NRXN3: variants seen among roughly 807,000 people sequenced by gnomAD.
The protein encoded by NRXN3 is neurexin III.
In NRXN3, 32 loss-of-function variants were observed where a neutral mutation model predicts 137.6. The ratio of observed to expected loss-of-function variants is 0.23; its 90% CI spans 0.18 to 0.31. The LOEUF (loss-of-function observed/expected upper bound fraction) is 0.31. NRXN3 is among the 10% of genes least tolerant of loss of function. The pLI is 1.00. For synonymous variants in NRXN3, 798 were observed against 784.5 expected (o/e 1.02, Z -0.29); for missense variants, 1,574 against 2,062.5 (o/e 0.76, Z 4.59).
At chr14:78,277,409 G>A (rs913792555) in intron 2 of NRXN3, among the ~76,000 whole-genome samples, 1 of 152,138 alleles carries the variant, frequency 6.6e-6, no homozygotes, top group Non-Finnish European at 1.5e-5. Context: ...TGCTCTTGAG[G>A]GACCTAGGCT....
chr14:78,516,472 G>C (rs2096209825), intron 4 of NRXN3, among the ~76,000 whole-genome samples: 1 of 151,062 alleles, frequency 6.6e-6, no homozygotes, highest in Admixed American at 6.6e-5. Flanking sequence ...CTGTTGCTTA[G>C]ATTGCCCATC....
intron 15 of NRXN3, among the ~76,000 whole-genome samples, chr14:79,083,268 T>C (rs1309552978): frequency 2.6e-5 from 4 of 152,218 alleles, no homozygotes; most frequent in Admixed American, 2.6e-4. Context: ...AGAAGACTTA[T>C]TTGATTTCAC....
rs146140064 is a variant in NRXN3, at chr14:78,360,305, A to T, written c.757+62445A>T. ...AGGGGTCGGGGTCCTTTCACTGTTT[A>T]AAAAAAAATCTATTCCAGTGATTCT... is the stretch of plus-strand genomic sequence containing the variant. On this transcript the variant is annotated intron_variant, in intron 4 of 20. Transcript: ENST00000335750. Among the ~76,000 whole-genome samples the T allele has an allele frequency of 5.5e-3, 831 of 151,976 alleles. 31 individuals are homozygous for T. The highest frequency in any genetic ancestry group is 0.046 in the Admixed American group (706 of 15,232).
chr14:78,588,750 A>C (rs1566825841), intron 4 of NRXN3, among the ~76,000 whole-genome samples: 1 of 152,238 alleles, frequency 6.6e-6, no homozygotes, highest in Non-Finnish European at 1.5e-5. Flanking sequence ...ATTTGGCTCC[A>C]CGTAGACCTA....
At chr14:78,207,449 G>A (rs748280933) in intron 1 of NRXN3, among the ~76,000 whole-genome samples, 6 of 152,004 alleles carry the variant, frequency 3.9e-5, no homozygotes, top group Non-Finnish European at 5.9e-5. Flanking sequence ...TTATATTACC[G>A]GGCTTCTGGT....
chr14:78,296,267 T>C (rs2076328466), intron 3 of NRXN3, among the ~76,000 whole-genome samples: 1 of 152,136 alleles, frequency 6.6e-6, no homozygotes, highest in South Asian at 2.1e-4. Flanking sequence ...GGTTTCACTA[T>C]GTTGCCCAGG....
At chr14:78,286,467 C>G (rs985949744) in intron 3 of NRXN3, among the ~76,000 whole-genome samples, 1 of 152,132 alleles carries the variant, frequency 6.6e-6, no homozygotes, top group Non-Finnish European at 1.5e-5. Flanking sequence ...GAGACCCTCC[C>G]AGTCTGCAGA....
intron 16 of NRXN3, 74 bp from the exon 17 acceptor site, chr14:79,663,704 T>A: frequency 7.4e-7 from 1 of 1,342,692 alleles, no homozygotes. Context: ...TTATTGCTGG[T>A]TGGAGGATCA....
chr14:79,279,360 A>C (rs2080863219), intron 15 of NRXN3: 2 of 985,670 alleles, frequency 2.0e-6, no homozygotes, highest in African/African-American at 1.7e-5. Context: ...CCATTTGTGA[A>C]TTTGGCTCCC....
chr14:78,605,716 A>T (rs1229076919), intron 4 of NRXN3, among the ~76,000 whole-genome samples: 1 of 87,204 alleles, frequency 1.1e-5, no homozygotes, highest in Non-Finnish European at 2.9e-5. Context: ...GGATTTCTTT[A>T]AAAAAAATAA....
intron 4 of NRXN3, among the ~76,000 whole-genome samples, chr14:78,506,643 GTTTTTTTTTTTTTT>G (rs71131653): frequency 2.1e-4 from 22 of 105,402 alleles, no homozygotes; most frequent in African/African-American, 6.1e-4. Context: ...TCTCATTGTA[GTTTTTTTTTTTTTT>G]TTTTTTTTTT....
intron 15 of NRXN3, among the ~76,000 whole-genome samples, chr14:79,252,899 G>T (rs1237943646): frequency 6.6e-6 from 1 of 152,030 alleles, no homozygotes; most frequent in Non-Finnish European, 1.5e-5. Flanking sequence ...TTCAAGAGTT[G>T]CCCAGCCACA....
chr14:79,422,399 C>T (rs531711247), intron 15 of NRXN3, among the ~76,000 whole-genome samples: 19 of 152,248 alleles, frequency 1.2e-4, no homozygotes, highest in African/African-American at 4.3e-4. Context: ...CATTCATTTG[C>T]TGTTTGAAGT....
At chr14:78,741,469 C>T (rs1419945026) in intron 8 of NRXN3, among the ~76,000 whole-genome samples, 1 of 152,136 alleles carries the variant, frequency 6.6e-6, no homozygotes, top group East Asian at 1.9e-4. Context: ...CTCAACGTCT[C>T]AGTTTTTAAA....
intron 4 of NRXN3, among the ~76,000 whole-genome samples, chr14:78,452,689 G>T (rs777736885): frequency 6.6e-6 from 1 of 152,220 alleles, no homozygotes; most frequent in Non-Finnish European, 1.5e-5. Context: ...CATGTAAAAA[G>T]AAGTTTTTTC....
At chr14:78,889,433 G>C (rs73323305) in intron 10 of NRXN3, among the ~76,000 whole-genome samples, 2,523 of 152,004 alleles carry the variant, frequency 0.017, 73 homozygotes, top group African/African-American at 0.058. Flanking sequence ...GCACTTGATT[G>C]CTTTACTTCA....
intron 20 of NRXN3, among the ~76,000 whole-genome samples, chr14:79,825,404 T>C (rs745570157): frequency 1.3e-5 from 2 of 152,156 alleles, no homozygotes; most frequent in Non-Finnish European, 2.9e-5. Context: ...ATTTCAGAAG[T>C]AGTGAAGCTA....
intron 15 of NRXN3, among the ~76,000 whole-genome samples, chr14:79,419,022 C>A (rs2095538205): frequency 6.6e-6 from 1 of 152,300 alleles, no homozygotes; most frequent in Admixed American, 6.5e-5. Context: ...GAAAATCGAA[C>A]TCTACTTTGT....
chr14:78,343,474 G>T (rs542686251), intron 4 of NRXN3, among the ~76,000 whole-genome samples: 1 of 152,134 alleles, frequency 6.6e-6, no homozygotes, highest in South Asian at 2.1e-4. Flanking sequence ...GGTAAAAACA[G>T]CCAGATAAGT....
Sources: allele counts gnomAD v4.1 joint callset (sites outside exome capture counted in the v4.1 genomes callset), GRCh38; gene constraint gnomAD v4.1.1; transcripts MANE v1.5; gene names NCBI Gene and HGNC (gene_info 2026-07-23, HGNC 2026-07-21).